Variants in FOXN3 observed in about 807,000 individuals in gnomAD.
FOXN3 encodes the protein forkhead box N3.
A neutral mutation model predicts 38.4 loss-of-function variants in FOXN3; 7 were observed. The observed-to-expected ratio is 0.18, with a 90% confidence interval of 0.10 to 0.34. FOXN3 has a LOEUF of 0.34. Among genes scored for constraint, FOXN3 ranks in the 10% least tolerant of loss-of-function variants. FOXN3 has a pLI of 1.00. For missense variants in FOXN3, 456 were observed against 613.4 expected (o/e 0.74, Z 2.71); for synonymous variants, 230 against 242.2 (o/e 0.95, Z 0.47).
intron 1 of FOXN3, among the ~76,000 whole-genome samples, chr14:89,505,946 A>C (rs1172880674): frequency 5.3e-5 from 7 of 131,228 alleles, no homozygotes; most frequent in African/African-American, 6.0e-5. Flanking sequence ...AAGTGAGGAG[A>C]CCCTCTGCCT....
intron 2 of FOXN3, among the ~76,000 whole-genome samples, chr14:89,381,532 CAAA>C (rs71897384): frequency 0.23 from 17,709 of 76,114 alleles, 1,609 homozygotes; most frequent in South Asian, 0.43. Flanking sequence ...CCTCAAAAAG[CAAA>C]AAAAAAAAAA....
At chr14:89,289,399 C>G (rs1483776977) in intron 3 of FOXN3, among the ~76,000 whole-genome samples, 6 of 152,036 alleles carry the variant, frequency 3.9e-5, no homozygotes, top group Non-Finnish European at 8.8e-5. Flanking sequence ...ATTAAAGACA[C>G]CATTTAGAAG....
chr14:89,282,696 T>C (rs1034707586), intron 3 of FOXN3, among the ~76,000 whole-genome samples: 6 of 152,178 alleles, frequency 3.9e-5, no homozygotes, highest in African/African-American at 1.4e-4. Flanking sequence ...AGAGTTGGTG[T>C]TTCTAGAGAA....
At chr14:89,513,197 C>T (rs887436803) in intron 1 of FOXN3, among the ~76,000 whole-genome samples, 11 of 149,716 alleles carry the variant, frequency 7.3e-5, no homozygotes, top group Non-Finnish European at 1.6e-4. Flanking sequence ...ACTAGGTAGT[C>T]ACAGCTTTCC....
chr14:89,255,761 G>C (rs1205223637), intron 4 of FOXN3, among the ~76,000 whole-genome samples: 1 of 152,102 alleles, frequency 6.6e-6, no homozygotes, highest in Admixed American at 6.5e-5. Context: ...CCACTAACAA[G>C]GCCTGGGGTC....
intron 1 of FOXN3, among the ~76,000 whole-genome samples, chr14:89,618,376 C>G (rs1338391601): frequency 1.3e-5 from 2 of 152,276 alleles, no homozygotes; most frequent in Admixed American, 6.5e-5. Context: ...CCTTCCCAGC[C>G]GGCAATCATG....
chr14:89,348,212 G>C (rs1025607011), intron 3 of FOXN3, among the ~76,000 whole-genome samples: 2 of 151,904 alleles, frequency 1.3e-5, no homozygotes, highest in Non-Finnish European at 2.9e-5. Flanking sequence ...GCACTTCCCA[G>C]GTACCCCTCA....
At chr14:89,450,056 C>T (rs1892584216) in intron 1 of FOXN3, among the ~76,000 whole-genome samples, 2 of 152,216 alleles carry the variant, frequency 1.3e-5, no homozygotes, top group Admixed American at 6.5e-5. Context: ...GTGGGACCCA[C>T]TTGTTGCATG....
At chr14:89,185,080 T>C (rs1887769232) in intron 4 of FOXN3, among the ~76,000 whole-genome samples, 1 of 152,218 alleles carries the variant, frequency 6.6e-6, no homozygotes, top group South Asian at 2.1e-4. Context: ...TCCTGGCATG[T>C]AGACTCAGCT....
chr14:89,370,860 G>C (rs1386554586), intron 2 of FOXN3, among the ~76,000 whole-genome samples: 2 of 152,170 alleles, frequency 1.3e-5, no homozygotes, highest in Non-Finnish European at 2.9e-5. Context: ...CCCCCTTTAA[G>C]TACATAATGA....
chr14:89,184,793 C>T (rs1887761091), intron 4 of FOXN3, among the ~76,000 whole-genome samples: 1 of 152,206 alleles, frequency 6.6e-6, no homozygotes, highest in Non-Finnish European at 1.5e-5. Flanking sequence ...TATGTAAGCT[C>T]ATCATCGTCA....
At chr14:89,505,994 CCTGGCAGCCACCCCGT>C in intron 1 of FOXN3, among the ~76,000 whole-genome samples, 6 of 150,952 alleles carry the variant, frequency 4.0e-5, no homozygotes, top group Admixed American at 3.9e-4. Context: ...AGCGTCTCCG[CCTGGCAGCCACCCCGT>C]CCGGGAGGGA....
At chr14:89,180,148 AATGTCCCAAGGAAGGGTTC>A (rs1227322298) in intron 5 of FOXN3, among the ~76,000 whole-genome samples, 1 of 152,180 alleles carries the variant, frequency 6.6e-6, no homozygotes, top group East Asian at 1.9e-4. Context: ...GGAGGAGAGA[AATGTCCCAAGGAAGGGTTC>A]ATGCGGTTTG....
intron 1 of FOXN3, among the ~76,000 whole-genome samples, chr14:89,500,185 ACGGG>A (rs1893767680): frequency 6.6e-6 from 1 of 152,110 alleles, no homozygotes; most frequent in Non-Finnish European, 1.5e-5. Flanking sequence ...AATTTCATTT[ACGGG>A]CACTCTTCAG....
rs558072464 is a variant in FOXN3 at position 89,574,511 on chromosome 14, A to G, written c.-15+44517T>C. ...CTTCTACCCAGGAAACAGGGAGGAGACCACTGAACTGAGTGCTTGAGGGAG... is the reference window on the plus strand; with the variant it reads ...CTTCTACCCAGGAAACAGGGAGGAGGCCACTGAACTGAGTGCTTGAGGGAG... On this transcript the variant is annotated intron_variant, in intron 1 of 6. Transcript: ENST00000345097. 2.0e-5 allele frequency among the ~76,000 whole-genome samples: 3 copies of G among 152,176 alleles called. No homozygotes were observed. The East Asian group carries it at 5.8e-4, about 29-fold the overall frequency.
intron 4 of FOXN3, among the ~76,000 whole-genome samples, chr14:89,208,407 T>C (rs1314140763): frequency 6.6e-6 from 1 of 152,104 alleles, no homozygotes; most frequent in Non-Finnish European, 1.5e-5. Context: ...CAGGGCTTTT[T>C]ACTGGGGAAA....
intron 2 of FOXN3, among the ~76,000 whole-genome samples, chr14:89,403,667 A>C (rs971219672): frequency 6.6e-6 from 1 of 152,242 alleles, no homozygotes; most frequent in African/African-American, 2.4e-5. Flanking sequence ...ACATCGATGA[A>C]GTATCTGGTA....
At chr14:89,359,014 T>G (rs1207364895) in intron 2 of FOXN3, among the ~76,000 whole-genome samples, 2 of 152,160 alleles carry the variant, frequency 1.3e-5, no homozygotes, top group African/African-American at 2.4e-5. Flanking sequence ...GTTCAATAAA[T>G]ATCAGCTCTC....
intron 1 of FOXN3, among the ~76,000 whole-genome samples, chr14:89,466,781 T>C (rs1311432503): frequency 1.3e-5 from 2 of 152,168 alleles, no homozygotes; most frequent in Non-Finnish European, 2.9e-5. Context: ...CCTTTGGGTT[T>C]TACATTTCTC....
Sources: allele counts gnomAD v4.1 joint callset (sites outside exome capture counted in the v4.1 genomes callset), GRCh38; gene constraint gnomAD v4.1.1; transcripts MANE v1.5; gene names NCBI Gene and HGNC (gene_info 2026-07-23, HGNC 2026-07-21).